The following AKAP13 variants were observed in gnomAD, a reference collection of about 807,000 sequenced individuals.
AKAP13 encodes A-kinase anchor protein 13.
AKAP13 carries 80 observed loss-of-function variants against 264.5 expected under a neutral mutation model. The observed-to-expected ratio is 0.30, with a 90% CI of 0.25 to 0.36. AKAP13 has a LOEUF of 0.36. Ranked by LOEUF, AKAP13 falls within the 10% of genes least tolerant of loss-of-function variation. AKAP13 has a pLI of 1.00. For synonymous variants in AKAP13, 1,380 were observed against 1,250.2 expected, an observed-to-expected ratio of 1.10 and a Z score of -2.19; for missense variants, 3,712 against 3,435.2, an observed-to-expected ratio of 1.08 and a Z score of -2.01.
At chr15:85,711,041 A>G (rs1227142001) in intron 19 of AKAP13, among the ~76,000 whole-genome samples, 1 of 151,420 alleles carries the variant, frequency 6.6e-6, no homozygotes, top group Non-Finnish European at 1.5e-5. Flanking sequence ...TTTGAGACGG[A>G]GTCTCTCTCT....
At chr15:85,653,679 T>C (rs2082970324) in intron 10 of AKAP13, among the ~76,000 whole-genome samples, 1 of 151,752 alleles carries the variant, frequency 6.6e-6, no homozygotes, top group African/African-American at 2.4e-5. Flanking sequence ...AGAACCATAA[T>C]TTTTTTTTAC....
In AKAP13 at chr15:85,709,241, A is replaced by C. The variant is rs558623788; in HGVS notation, c.5532+1155A>C. ...GCACTCCCAGTTTTTCCTTTTTTCC[A>C]TAGTACTTATCACCTTCTTAGAGTC... On this transcript the variant is annotated intron_variant, in intron 18 of 36. Transcript: ENST00000394518. Among the ~76,000 whole-genome samples the C allele has an allele frequency of 1.1e-4, 17 of 152,226 alleles. No individual in the cohort carries two copies. In the East Asian group the frequency reaches 2.7e-3, roughly 24 times the overall value.
At chr15:85,569,265 T>A (rs74916926) in intron 5 of AKAP13, among the ~76,000 whole-genome samples, 11,223 of 151,182 alleles carry the variant, frequency 0.074, 714 homozygotes, top group East Asian at 0.36. Flanking sequence ...ATTGTGGGGG[T>A]GAATTGGGGC....
intron 4 of AKAP13, among the ~76,000 whole-genome samples, chr15:85,537,723 A>G (rs978380552): frequency 2.2e-4 from 34 of 152,230 alleles, no homozygotes; most frequent in African/African-American, 8.2e-4. Context: ...GAGTTTGTGC[A>G]AAATACTCAA....
At chr15:85,399,512 AAAAAAAAAAAT>A (rs1567038552) in intron 1 of AKAP13, among the ~76,000 whole-genome samples, 4 of 89,636 alleles carry the variant, frequency 4.5e-5, no homozygotes, top group African/African-American at 7.8e-5. Context: ...CAAAAAAAAA[AAAAAAAAAAAT>A]AAAAAAATAA....
At chr15:85,589,276 A>G (rs922226858) in intron 8 of AKAP13, among the ~76,000 whole-genome samples, 1 of 152,198 alleles carries the variant, frequency 6.6e-6, no homozygotes, top group Non-Finnish European at 1.5e-5. Flanking sequence ...TTTGTGGGAC[A>G]TATGGTCTCT....
intron 17 of AKAP13, among the ~76,000 whole-genome samples, chr15:85,697,500 C>T (rs990644061): frequency 5.9e-5 from 9 of 152,018 alleles, no homozygotes; most frequent in African/African-American, 2.2e-4. Flanking sequence ...ACCCGGGAGG[C>T]GGAGGTTGCA....
chr15:85,617,144 C>T (rs2080971267), intron 8 of AKAP13, among the ~76,000 whole-genome samples: 1 of 152,206 alleles, frequency 6.6e-6, no homozygotes. Context: ...TGCTTGCCTC[C>T]ACTAGAAGTC....
chr15:85,569,950 G>A (rs141586721), intron 5 of AKAP13, among the ~76,000 whole-genome samples: 3,329 of 151,916 alleles, frequency 0.022, 143 homozygotes, highest in African/African-American at 0.076. Context: ...GGTGGCGGGC[G>A]CCTGTAGTCC....
intron 17 of AKAP13, among the ~76,000 whole-genome samples, chr15:85,706,772 G>C (rs887532557): frequency 3.3e-5 from 5 of 152,212 alleles, no homozygotes; most frequent in Admixed American, 3.3e-4. Context: ...CCCTGCCCCA[G>C]AGAGGGGATA....
At chr15:85,448,665 C>T (rs1028832351) in intron 1 of AKAP13, among the ~76,000 whole-genome samples, 1 of 152,120 alleles carries the variant, frequency 6.6e-6, no homozygotes, top group Non-Finnish European at 1.5e-5. Flanking sequence ...TGTCAAAGAT[C>T]AGATGGTCGT....
intron 1 of AKAP13, among the ~76,000 whole-genome samples, chr15:85,410,368 C>G (rs909110179): frequency 2.0e-5 from 3 of 151,570 alleles, no homozygotes; most frequent in Non-Finnish European, 2.9e-5. Context: ...AGAATGGCTT[C>G]AAAATAGGTC....
rs529715370 is a variant in AKAP13 at position 85,425,601 on chromosome 15, A to G, written c.-12+44803A>G. Among the ~76,000 whole-genome samples the G allele has an allele frequency of 4.6e-5, 7 of 151,868 alleles. No individual in the cohort carries two copies. In the East Asian group the frequency reaches 1.4e-3, roughly 29 times the overall value. On this transcript the variant is annotated intron_variant, in intron 1 of 36. Coordinates refer to ENST00000394518, the MANE Select transcript of AKAP13 (RefSeq NM_007200.5). ...TGTGGTGGCACGTGCCTGTAATCCCATCTACTCGGGAGGCTGAGGCAGGAG... is the reference window on the plus strand; with the variant it reads ...TGTGGTGGCACGTGCCTGTAATCCCGTCTACTCGGGAGGCTGAGGCAGGAG...
chr15:85,575,299 T>C lies in AKAP13; in HGVS notation c.831T>C (p.Phe277=), dbSNP rs1367408888. 1 of 1,614,210 alleles carries C rather than the reference T, an allele frequency of 6.2e-7. No homozygotes were observed. Among genetic ancestry groups the C allele is most frequent in the South Asian group, 1.1e-5 (1 of 91,086 alleles). The change falls in exon 6 of 37, where the codon TTT becomes TTC. Residue 277 remains phenylalanine, a synonymous_variant. Transcript: ENST00000394518. ...GAGACGGTTGCACTGGACCAATTTT[T>C]AAACTTATGAACATCCAACAGCAAC... is the stretch of plus-strand genomic sequence containing the variant. ...FPGDGCTGPI[F]KLMNIQQQLM...
chr15:85,709,388 C>T (rs983839001), intron 18 of AKAP13, among the ~76,000 whole-genome samples: 5 of 152,168 alleles, frequency 3.3e-5, no homozygotes, highest in African/African-American at 1.2e-4. Flanking sequence ...CCATCAGTGG[C>T]GCCTGAGCAC....
chr15:85,657,732 G>A (rs1313691018), intron 11 of AKAP13, among the ~76,000 whole-genome samples: 1 of 119,928 alleles, frequency 8.3e-6, no homozygotes, highest in Non-Finnish European at 1.8e-5. Flanking sequence ...TTTTTTTTAA[G>A]CATTCAGAGC....
chr15:85,706,089 A>G (rs1256214549), intron 17 of AKAP13, among the ~76,000 whole-genome samples: 1 of 152,058 alleles, frequency 6.6e-6, no homozygotes, highest in Non-Finnish European at 1.5e-5. Context: ...GGACTTAAAG[A>G]TGATGTATTT....
chr15:85,734,561 G>A (rs1233467367), intron 30 of AKAP13, among the ~76,000 whole-genome samples: 1 of 152,168 alleles, frequency 6.6e-6, no homozygotes, highest in Non-Finnish European at 1.5e-5. Context: ...GTGGGCCAGA[G>A]TTGAGATGCA....
At chr15:85,693,025 A>C (rs1465913326) in intron 16 of AKAP13, 4 of 443,572 alleles carry the variant, frequency 9.0e-6, no homozygotes, top group Non-Finnish European at 1.5e-5. Context: ...TGTTGGTAGA[A>C]GTAACCAATG....
Sources: allele counts gnomAD v4.1 joint callset (sites outside exome capture counted in the v4.1 genomes callset), GRCh38; gene constraint gnomAD v4.1.1; transcripts MANE v1.5; gene names NCBI Gene and HGNC (gene_info 2026-07-23, HGNC 2026-07-21).